The following FLRT2 variants were observed in gnomAD, a reference collection of about 807,000 sequenced individuals.
FLRT2 encodes fibronectin leucine rich transmembrane protein 2.
FLRT2 carries 15 observed loss-of-function variants against 40.0 expected under a neutral mutation model. The ratio of observed to expected loss-of-function variants is 0.38; its 90% CI spans 0.25 to 0.58. The LOEUF is 0.58. Ranked by LOEUF, FLRT2 falls within the 20% of genes least tolerant of loss-of-function variation. The pLI is 0.71. For missense variants in FLRT2, 726 were observed against 840.0 expected (o/e 0.86, Z 1.68); for synonymous variants, 380 against 336.8 (o/e 1.13, Z -1.41).
In FLRT2 at chr14:85,643,354, T is replaced by TTCCTTC. The variant is rs1491559808; in HGVS notation, c.*19857_*19858insTCCTTC. Reference sequence around the variant, plus strand: ...TTCTTTCTTTCTTTCTTTCTTTCTTTCTTCCTTCCTTCCTTCCTTCCTTTC... The same window carrying TTCCTTC: ...TTCTTTCTTTCTTTCTTTCTTTCTTTTCCTTCCTTCCTTCCTTCCTTCCTTCCTTTC... On this transcript the variant is annotated 3_prime_UTR_variant, in exon 2 of 2. Coordinates refer to ENST00000330753, the MANE Select transcript of FLRT2 (RefSeq NM_013231.6). The TTCCTTC allele has an allele frequency of 7.6e-3, 351 of 46,038 alleles. 2 individuals are homozygous for TTCCTTC. The highest frequency in any genetic ancestry group is 0.02 in the African/African-American group (264 of 13,246). The allele number at this position is 46,038 out of a possible 1,614,324, so 2.9% of individuals were successfully genotyped here. A position where few individuals can be genotyped will look rare whatever the true frequency, so the allele number is the denominator to read the frequency against.
chr14:85,553,473 GA>G (rs1264284546), intron 1 of FLRT2, among the ~76,000 whole-genome samples: 1 of 151,962 alleles, frequency 6.6e-6, no homozygotes, highest in Non-Finnish European at 1.5e-5. Context: ...TGATGAGCTA[GA>G]AAAAAAATCA....
At chr14:85,578,381 A>C (rs1190856690) in intron 1 of FLRT2, among the ~76,000 whole-genome samples, 1 of 152,002 alleles carries the variant, frequency 6.6e-6, no homozygotes, top group Non-Finnish European at 1.5e-5. Flanking sequence ...TTAACTAGGC[A>C]GTGTAAAAGC....
In FLRT2 at chr14:85,629,931, T is replaced by C. The variant is rs1021216132; in HGVS notation, c.*6434T>C. 6.6e-6 allele frequency: 1 copy of C among 152,186 alleles called. No individual in the cohort carries two copies. Among genetic ancestry groups the C allele is most frequent in the Non-Finnish European group, 1.5e-5 (1 of 68,022 alleles). The allele number at this position is 152,186 out of a possible 1,614,324, so 9.4% of individuals were successfully genotyped here. On this transcript the variant is annotated 3_prime_UTR_variant, in exon 2 of 2. Transcript: ENST00000330753. ...TCTGATTTGAAGGTTTCAGATGGAA[T>C]CAAGATATGTCTGTACCCATAGGGT...
At chr14:85,533,071 T>C (rs1359976660) in intron 1 of FLRT2, among the ~76,000 whole-genome samples, 2 of 152,182 alleles carry the variant, frequency 1.3e-5, no homozygotes, top group African/African-American at 4.8e-5. Context: ...TGACTTTGCC[T>C]CTTGGAAATC....
chr14:85,558,957 G>C (rs1250965209), intron 1 of FLRT2, among the ~76,000 whole-genome samples: 1 of 152,156 alleles, frequency 6.6e-6, no homozygotes, highest in African/African-American at 2.4e-5. Context: ...GTGGCTAGTG[G>C]CTTCCTAAAC....
At chr14:85,620,902 T>TA (rs1214795074) in intron 1 of FLRT2, among the ~76,000 whole-genome samples, 1 of 152,224 alleles carries the variant, frequency 6.6e-6, no homozygotes, top group East Asian at 1.9e-4. Context: ...AAATTCACAA[T>TA]ATGATGGTTG....
At chr14:85,613,089 T>TA (rs1351392090) in intron 1 of FLRT2, among the ~76,000 whole-genome samples, 2 of 152,102 alleles carry the variant, frequency 1.3e-5, no homozygotes, top group African/African-American at 4.8e-5. Context: ...TGTGGAATGG[T>TA]AAAGTAGTAT....
chr14:85,582,695 A>C (rs1891446018), intron 1 of FLRT2, among the ~76,000 whole-genome samples: 1 of 152,048 alleles, frequency 6.6e-6, no homozygotes, highest in African/African-American at 2.4e-5. Flanking sequence ...TCATTACTAT[A>C]ATATGTATAA....
rs1452509511 is a variant in FLRT2, at chr14:85,645,875, A to G, written c.*22378A>G. The G allele has an allele frequency of 6.6e-6, 1 of 152,156 alleles. No individual in the cohort carries two copies. The highest frequency in any genetic ancestry group is 1.5e-5 in the Non-Finnish European group (1 of 68,032). The allele number at this position is 152,156 out of a possible 1,614,324, so 9.4% of individuals were successfully genotyped here. A position where few individuals can be genotyped will look rare whatever the true frequency, so the allele number is the denominator to read the frequency against. On this transcript the variant is annotated 3_prime_UTR_variant, in exon 2 of 2. Transcript: ENST00000330753. ...TCAATACTGAGTACCTAAGAGCCCAATTCTGATACTCTCATATTGCACTAT... is the reference window on the plus strand; with the variant it reads ...TCAATACTGAGTACCTAAGAGCCCAGTTCTGATACTCTCATATTGCACTAT...
At chr14:85,534,360 A>T (rs1888511900) in intron 1 of FLRT2, among the ~76,000 whole-genome samples, 2 of 152,180 alleles carry the variant, frequency 1.3e-5, no homozygotes, top group Admixed American at 6.5e-5. Context: ...TAGCATTTTT[A>T]AAAAATGATT....
intron 1 of FLRT2, among the ~76,000 whole-genome samples, chr14:85,569,799 CT>C (rs1302929719): frequency 6.6e-6 from 1 of 152,134 alleles, no homozygotes; most frequent in Non-Finnish European, 1.5e-5. Flanking sequence ...TTTTTCTGTG[CT>C]TTTGGAGGGA....
chr14:85,537,514 T>TACATGTCG (rs761859254), intron 1 of FLRT2, among the ~76,000 whole-genome samples: 12 of 152,144 alleles, frequency 7.9e-5, no homozygotes, highest in Non-Finnish European at 1.8e-4. Context: ...CTTCTAAAAC[T>TACATGTCG]ACATGTCGCG....
Position 85,643,291 on chromosome 14 carries a change from T to TTTTTTTTCTTTC in FLRT2, c.*19797_*19798insTTTTCTTTCTTT. 1 of 118,758 alleles carries TTTTTTTTCTTTC rather than the reference T, an allele frequency of 8.4e-6. No individual in the cohort carries two copies. The highest frequency in any genetic ancestry group is 1.7e-5 in the Non-Finnish European group (1 of 58,530). 7.4% of individuals were successfully genotyped at this position (118,758 alleles called of 1,614,324 possible). On this transcript the variant is annotated 3_prime_UTR_variant, in exon 2 of 2. Transcript: ENST00000330753. ...AGAGAGTTCAGAGGGTATTTCTTTT[T>TTTTTTTTCTTTC]TTTCTTTCTTTCTTTCTTTCTTTCT...
intron 1 of FLRT2, among the ~76,000 whole-genome samples, chr14:85,547,965 G>A (rs1397893664): frequency 6.6e-6 from 1 of 152,216 alleles, no homozygotes; most frequent in Non-Finnish European, 1.5e-5. Flanking sequence ...TTCTCCAAAT[G>A]AAGCAATCAG....
rs1893950678 is a variant in FLRT2, at chr14:85,634,303, A to C, written c.*10806A>C. 1 of 152,228 alleles carries C rather than the reference A, an allele frequency of 6.6e-6. No homozygotes were observed. The highest frequency in any genetic ancestry group is 6.5e-5 in the Admixed American group (1 of 15,282). 9.4% of individuals were successfully genotyped at this position (152,228 alleles called of 1,614,324 possible). ...TCAGGACAGTTATTTGGCAAGTAGT[A>C]TCAATGGGTACTGGCATTCCTGTGG... On this transcript the variant is annotated 3_prime_UTR_variant, in exon 2 of 2. Coordinates refer to ENST00000330753, the MANE Select transcript of FLRT2 (RefSeq NM_013231.6).
chr14:85,653,112 A>T lies in FLRT2; in HGVS notation c.*29615A>T, dbSNP rs1894473652. 1 of 152,212 alleles carries T rather than the reference A, an allele frequency of 6.6e-6. No individual in the cohort carries two copies. Among genetic ancestry groups the T allele is most frequent in the African/African-American group, 2.4e-5 (1 of 41,456 alleles). The allele number at this position is 152,212 out of a possible 1,614,324, so 9.4% of individuals were successfully genotyped here. A position where few individuals can be genotyped will look rare whatever the true frequency, so the allele number is the denominator to read the frequency against. ...CAAATGGTTCCAGACATTTATAATT[A>T]TGCATCTGAAGTCAGAACACCTTTT... On this transcript the variant is annotated 3_prime_UTR_variant, in exon 2 of 2. Transcript: ENST00000330753.
intron 1 of FLRT2, among the ~76,000 whole-genome samples, chr14:85,607,033 A>T (rs1892653622): frequency 6.6e-6 from 1 of 151,500 alleles, no homozygotes; most frequent in African/African-American, 2.4e-5. Flanking sequence ...ACCTGGAGGG[A>T]CACAAATTCT....
At chr14:85,601,726 C>A (rs9323768) in intron 1 of FLRT2, among the ~76,000 whole-genome samples, 32,512 of 152,090 alleles carry the variant, frequency 0.21, 3,864 homozygotes, top group Middle Eastern at 0.28. Flanking sequence ...GAGGATCAAA[C>A]AAGATGCATC....
intron 1 of FLRT2, among the ~76,000 whole-genome samples, chr14:85,597,331 T>C (rs1246727846): frequency 3.3e-5 from 5 of 152,180 alleles, no homozygotes; most frequent in African/African-American, 7.2e-5. Flanking sequence ...AAGACAGGTA[T>C]GTGAGAAAAG....
Sources: gnomAD v4.1 joint callset for allele counts (sites outside exome capture counted in the v4.1 genomes callset) on GRCh38, gnomAD v4.1.1 for gene constraint, MANE v1.5 for transcripts, NCBI Gene and HGNC (gene_info 2026-07-23, HGNC 2026-07-21) for gene names.